ANK3: variants seen among roughly 807,000 people sequenced by gnomAD.
ANK3 encodes the protein ankyrin 3.
In ANK3, 57 loss-of-function variants were observed where a neutral mutation model predicts 370.9. The observed-to-expected ratio is 0.15, with a 90% CI of 0.12 to 0.19. The LOEUF (loss-of-function observed/expected upper bound fraction) is 0.19. ANK3 is among the 10% of genes least tolerant of loss of function. ANK3 has a pLI of 1.00. For missense variants in ANK3, 4,439 were observed against 5,302.1 expected (o/e 0.84, Z 5.06); for synonymous variants, 1,929 against 1,946.3 (o/e 0.99, Z 0.23).
intron 1 of ANK3, among the ~76,000 whole-genome samples, chr10:60,702,109 TAAAG>T (rs2079552765): frequency 6.6e-6 from 1 of 151,342 alleles, no homozygotes; most frequent in Non-Finnish European, 1.5e-5. Flanking sequence ...AAAAAGTAAA[TAAAG>T]AAATTAGTCA....
intron 7 of ANK3, among the ~76,000 whole-genome samples, chr10:60,259,357 A>G (rs1211223703): frequency 1.3e-5 from 2 of 152,174 alleles, no homozygotes; most frequent in Non-Finnish European, 2.9e-5. Context: ...ATCAAATTCC[A>G]CCACAGCCTT....
intron 1 of ANK3, among the ~76,000 whole-genome samples, chr10:60,378,736 A>C (rs1188423567): frequency 1.3e-5 from 2 of 152,146 alleles, no homozygotes; most frequent in East Asian, 3.8e-4. Context: ...ATAAGACCCC[A>C]AATGATAAAA....
At chr10:60,306,999 G>A (rs1409592895) in intron 1 of ANK3, among the ~76,000 whole-genome samples, 1 of 152,148 alleles carries the variant, frequency 6.6e-6, no homozygotes, top group Non-Finnish European at 1.5e-5. Flanking sequence ...CAGAGAGCTG[G>A]GATTTAGGCA....
In ANK3 at chr10:60,278,999, C is replaced by T. The variant is rs373957911; in HGVS notation, c.315+51G>A. 4.0e-5 allele frequency: 63 copies of T among 1,590,132 alleles called. No individual in the cohort carries two copies. In the African/African-American group the frequency reaches 7.6e-4, roughly 19 times the overall value. On this transcript the variant is annotated intron_variant, in intron 3 of 43. Coordinates refer to ENST00000280772, the MANE Select transcript of ANK3 (RefSeq NM_020987.5). ...CCCCATTCTTACTGAGGGCTGAATCCTCACAGAACATGGCGAGTGGTTCAA... is the reference window on the plus strand; with the variant it reads ...CCCCATTCTTACTGAGGGCTGAATCTTCACAGAACATGGCGAGTGGTTCAA...
rs199657518 is a variant in ANK3 at position 60,234,817 on chromosome 10, A to G, written c.799-31T>C. ...AAGAAGAGGAAAAAGTACAGATTTGATATTTTTGGTTTCAACAAAACGTTC... is the reference window on the plus strand; with the variant it reads ...AAGAAGAGGAAAAAGTACAGATTTGGTATTTTTGGTTTCAACAAAACGTTC... On this transcript the variant is annotated intron_variant, in intron 7 of 43. Coordinates refer to ENST00000280772, the MANE Select transcript of ANK3 (RefSeq NM_020987.5). The G allele has an allele frequency of 2.4e-5, 36 of 1,495,884 alleles. No homozygotes were observed. The East Asian group carries it at 6.6e-4, about 27-fold the overall frequency. 92.7% of individuals were successfully genotyped at this position (1,495,884 alleles called of 1,614,324 possible). A position where few individuals can be genotyped will look rare whatever the true frequency, so the allele number is the denominator to read the frequency against.
At chr10:60,723,312 C>G (rs1051177106) in intron 1 of ANK3, among the ~76,000 whole-genome samples, 4 of 152,172 alleles carry the variant, frequency 2.6e-5, no homozygotes, top group Non-Finnish European at 5.9e-5. Context: ...CTGAGTATTT[C>G]ATTTCATTTG....
At chr10:60,330,038 G>A in intron 1 of ANK3, among the ~76,000 whole-genome samples, 1 of 152,122 alleles carries the variant, frequency 6.6e-6, no homozygotes, top group Non-Finnish European at 1.5e-5. Context: ...AATGGGGAAG[G>A]GATTCCTTAT....
At chr10:60,354,246 C>T (rs575378324) in intron 1 of ANK3, among the ~76,000 whole-genome samples, 26 of 152,166 alleles carry the variant, frequency 1.7e-4, no homozygotes, top group African/African-American at 6.0e-4. Context: ...ATCTGAGAAA[C>T]CTTTAAGTCT....
chr10:60,075,081 G>T lies in ANK3; in HGVS notation c.5800C>A (p.Pro1934Thr). ...PEEKPFQPEL[P>T]KEGRIDDEEP... is the part of the protein sequence containing the mutation. ...TCATCATCTATTCTCCCTTCCTTTG[G>T]GAGTTCAGGTTGGAATGGCTTCTCC... The change falls in exon 37 of 44, where the codon CCA becomes ACA. Residue 1934 changes from proline (P) to threonine (T), a missense_variant. Physicochemically the swap from Pro to Thr is conservative, Grantham distance 38. Transcript: ENST00000280772. 6.2e-7 allele frequency: 1 copy of T among 1,613,950 alleles called. No individual in the cohort carries two copies. Among genetic ancestry groups the T allele is most frequent in the Non-Finnish European group, 8.5e-7 (1 of 1,179,986 alleles).
chr10:60,281,273 G>C (rs2132712162), intron 1 of ANK3, among the ~76,000 whole-genome samples: 1 of 152,308 alleles, frequency 6.6e-6, no homozygotes, highest in Admixed American at 6.5e-5. Flanking sequence ...TTGGCATTTT[G>C]ATCTGAATAA....
chr10:60,247,874 C>A (rs982729106), intron 7 of ANK3, among the ~76,000 whole-genome samples: 1 of 152,144 alleles, frequency 6.6e-6, no homozygotes, highest in Non-Finnish European at 1.5e-5. Flanking sequence ...ACCATGTTGG[C>A]TAGGCAGGTG....
intron 1 of ANK3, among the ~76,000 whole-genome samples, chr10:60,629,781 C>T (rs1298804239): frequency 6.6e-6 from 1 of 151,976 alleles, no homozygotes; most frequent in Admixed American, 6.6e-5. Flanking sequence ...AAAGAATCTA[C>T]ATCAATATAA....
intron 9 of ANK3, among the ~76,000 whole-genome samples, chr10:60,209,410 T>G (rs1018953038): frequency 2.0e-5 from 3 of 152,120 alleles, no homozygotes; most frequent in Non-Finnish European, 4.4e-5. Context: ...TAGTATAAGC[T>G]CCTTGTTAAC....
At chr10:60,326,502 G>A (rs1325580907) in intron 1 of ANK3, among the ~76,000 whole-genome samples, 1 of 151,632 alleles carries the variant, frequency 6.6e-6, no homozygotes, top group Non-Finnish European at 1.5e-5. Context: ...TTCATACCAC[G>A]TCTAAATATT....
intron 2 of ANK3, among the ~76,000 whole-genome samples, chr10:60,506,202 C>T (rs1272276168): frequency 6.6e-6 from 1 of 151,944 alleles, no homozygotes; most frequent in East Asian, 1.9e-4. Context: ...ATTTTACTAA[C>T]AAAAAAGTGC....
At chr10:60,650,021 A>C (rs2078765240) in intron 1 of ANK3, among the ~76,000 whole-genome samples, 1 of 152,202 alleles carries the variant, frequency 6.6e-6, no homozygotes, top group African/African-American at 2.4e-5. Flanking sequence ...GAGGGTCTAG[A>C]ATGAGCAGAA....
intron 2 of ANK3, among the ~76,000 whole-genome samples, chr10:60,543,537 T>G (rs778872418): frequency 2.6e-5 from 4 of 151,940 alleles, no homozygotes; most frequent in Admixed American, 2.0e-4. Flanking sequence ...TACAGACAGA[T>G]AGGCACACAT....
At position 60,469,105 on chromosome 10, in the gene ANK3, G is replaced by GTATATATATA. The variant is rs370314200; in HGVS notation, c.96+146071_96+146080dup. ...TATATATATATATATACCACTTTTAGTATATATATATATACCACTTTTAGT... is the reference window on the plus strand; with the variant it reads ...TATATATATATATATACCACTTTTAGTATATATATATATATATATATATACCACTTTTAGT... On this transcript the variant is annotated intron_variant, in intron 2 of 43. Coordinates refer to the ANK3 transcript ENST00000373827. Among the ~76,000 whole-genome samples the GTATATATATA allele has an allele frequency of 7.6e-4, 11 of 14,470 alleles. 1 individual carries two copies. The highest frequency in any genetic ancestry group is 1.8e-3 in the African/African-American group (5 of 2,704). 9.5% of individuals were successfully genotyped at this position (14,470 alleles called of 152,430 possible).
At chr10:60,687,596 C>T (rs1048124701) in intron 1 of ANK3, among the ~76,000 whole-genome samples, 4 of 152,062 alleles carry the variant, frequency 2.6e-5, no homozygotes, top group Non-Finnish European at 5.9e-5. Context: ...AACTGATGCC[C>T]TTGCACACTA....
Sources: gnomAD v4.1 joint callset for allele counts (sites outside exome capture counted in the v4.1 genomes callset) on GRCh38, gnomAD v4.1.1 for gene constraint, MANE v1.5 for transcripts, NCBI Gene and HGNC (gene_info 2026-07-23, HGNC 2026-07-21) for gene names.